The following AGGF1 variants were observed in gnomAD, a reference collection of about 807,000 sequenced individuals.
AGGF1 encodes angiogenic factor with G-patch and FHA domains 1, also known as angiogenic factor with G patch and FHA domains 1.
A neutral mutation model predicts 86.5 loss-of-function variants in AGGF1; 56 were observed. That is an observed-to-expected ratio of 0.65 (90% confidence interval 0.52 to 0.81). The LOEUF is 0.81. Among genes scored for constraint, AGGF1 ranks in the 30% least tolerant of loss-of-function variants. The pLI, the probability that AGGF1 is intolerant of heterozygous loss-of-function variation, is 0.00. For missense variants in AGGF1, 816 were observed against 850.9 expected, an observed-to-expected ratio of 0.96 and a Z score of 0.51; for synonymous variants, 313 against 297.1, an observed-to-expected ratio of 1.05 and a Z score of -0.55.
At position 77,063,149 on chromosome 5, in the gene AGGF1, A is replaced by G. The variant is rs760949417; in HGVS notation, c.2042A>G (p.Asn681Ser). The change falls in exon 14 of 14, where the codon AAC (asparagine) becomes AGC (serine). Residue 681 changes from asparagine to serine, a missense_variant. Physicochemically the swap from Asn to Ser is conservative, Grantham distance 46. Around this residue, in one of 3 missense-constraint regions of AGGF1, gnomAD observed 565 missense variants for 585.8 expected, o/e 0.96. Transcript: ENST00000312916. ...VHLLQNKNKKNWDKARERFTE... is the reference protein window; with the variant it reads ...VHLLQNKNKKSWDKARERFTE... ...CTTCTCCAAAACAAGAACAAAAAAAACTGGGACAAAGCACGAGAGCGGTTT... is the reference window on the plus strand; with the variant it reads ...CTTCTCCAAAACAAGAACAAAAAAAGCTGGGACAAAGCACGAGAGCGGTTT... 15 of 1,614,006 alleles carry G rather than the reference A, an allele frequency of 9.3e-6. No homozygotes were observed. Among genetic ancestry groups the G allele is most frequent in the Non-Finnish European group, 1.1e-5 (13 of 1,180,014 alleles).
In AGGF1 at chr5:77,054,026, CTGTCTTATCCTTTCACATTCA is replaced by C; in HGVS notation, c.1531_1551del (p.Val511_His517del). The stretch of plus-strand genomic sequence containing the variant: ...GGAGATGAAGTCAAAATTGGAGAAA[CTGTCTTATCCTTTCACATTCA>C]TCCTGGCAGTGATACCTGTGATGGC... On this transcript the variant is annotated inframe_deletion, in exon 10 of 14. Coordinates refer to ENST00000312916, the MANE Select transcript of AGGF1 (RefSeq NM_018046.5). 1.2e-6 allele frequency: 2 copies of C among 1,614,162 alleles called. No individual in the cohort carries two copies. The highest frequency in any genetic ancestry group is 1.7e-6 in the Non-Finnish European group (2 of 1,180,024).
In AGGF1 at chr5:77,030,508, G is replaced by A. The variant is rs765269580; in HGVS notation, c.-259G>A. On this transcript the variant is annotated 5_prime_UTR_variant, in exon 1 of 14. Coordinates refer to ENST00000312916, the MANE Select transcript of AGGF1 (RefSeq NM_018046.5). ...CCCTCTGTCTCTGTAGCTGGAGAAG[G>A]TAGTTTCCAGGAAAGTTTTCCGGTT... 9.0e-6 allele frequency: 6 copies of A among 668,168 alleles called. No individual in the cohort carries two copies. Among genetic ancestry groups the A allele is most frequent in the South Asian group, 7.5e-5 (5 of 66,454 alleles). The allele number at this position is 668,168 out of a possible 1,614,324, so 41.4% of individuals were successfully genotyped here. A position where few individuals can be genotyped will look rare whatever the true frequency, so the allele number is the denominator to read the frequency against.
chr5:77,051,596 G>T (rs1257227687), intron 8 of AGGF1, among the ~76,000 whole-genome samples: 2 of 152,134 alleles, frequency 1.3e-5, no homozygotes, highest in African/African-American at 4.8e-5. Flanking sequence ...ACAGACTGCT[G>T]GTGGGAATAT....
At chr5:77,045,464 T>C (rs1283975865) in intron 5 of AGGF1, among the ~76,000 whole-genome samples, 2 of 106,680 alleles carry the variant, frequency 1.9e-5, no homozygotes, top group African/African-American at 5.6e-5. Context: ...TTAAAAAATG[T>C]TCATTTATTA....
At chr5:77,057,212 C>T (rs531180674) in intron 11 of AGGF1, among the ~76,000 whole-genome samples, 1 of 152,308 alleles carries the variant, frequency 6.6e-6, no homozygotes, top group South Asian at 2.1e-4. Flanking sequence ...GTTAAACATA[C>T]ACCTATTTTA....
At chr5:77,061,563 T>G in intron 12 of AGGF1, 140 bp from the exon 13 acceptor site, 1 of 715,750 alleles carries the variant, frequency 1.4e-6, no homozygotes, top group Non-Finnish European at 2.4e-6. Context: ...CAGTGGAATT[T>G]GTGTGTCTTC....
At chr5:77,053,939 T>A in intron 9 of AGGF1, 26 bp from the exon 10 acceptor site, 1 of 1,612,118 alleles carries the variant, frequency 6.2e-7, no homozygotes, top group East Asian at 2.2e-5. Flanking sequence ...TTTTGATTTC[T>A]GTTTTGTAAA....
chr5:77,036,705 T>C lies in AGGF1; in HGVS notation c.666T>C (p.Gly222=). ...GACTGTATTTTGACCACAGCACTGGTTTCTATTATGATTCTGTAAGTATCT... is the reference window on the plus strand; with the variant it reads ...GACTGTATTTTGACCACAGCACTGGCTTCTATTATGATTCTGTAAGTATCT... ...NTGLYFDHST[G]FYYDSENQLY... Residue 222 remains glycine (G), a synonymous_variant, in exon 4 of 14, where the codon GGT becomes GGC. Transcript: ENST00000312916. The C allele has an allele frequency of 6.2e-7, 1 of 1,612,378 alleles. No individual in the cohort carries two copies. The highest frequency in any genetic ancestry group is 1.1e-5 in the South Asian group (1 of 91,006).
At chr5:77,041,004 A>C (rs554475791) in intron 5 of AGGF1, among the ~76,000 whole-genome samples, 8 of 152,364 alleles carry the variant, frequency 5.3e-5, no homozygotes, top group African/African-American at 1.9e-4. Flanking sequence ...CTGGGATTAT[A>C]GGCGTGAGCC....
Position 77,054,244 on chromosome 5 carries a change from TGA to T in AGGF1, c.1633+119_1633+120del. ...ATGTCTAATTGATACGATACTGCAT[TGA>T]GAGATATTTTATACAAAGCTATCAG... On this transcript the variant is annotated intron_variant, in intron 10 of 13. Coordinates refer to ENST00000312916, the MANE Select transcript of AGGF1 (RefSeq NM_018046.5). 4.8e-6 allele frequency: 6 copies of T among 1,237,848 alleles called. No individual in the cohort carries two copies. The South Asian group carries it at 5.0e-5, about 10-fold the overall frequency. The allele number at this position is 1,237,848 out of a possible 1,614,324, so 76.7% of individuals were successfully genotyped here. A position where few individuals can be genotyped will look rare whatever the true frequency, so the allele number is the denominator to read the frequency against.
Position 77,036,537 on chromosome 5 carries a change from A to G in AGGF1, c.517-19A>G, listed in dbSNP as rs748329213. 1.7e-5 allele frequency: 28 copies of G among 1,613,846 alleles called. No individual in the cohort carries two copies. The African/African-American group carries it at 3.5e-4, about 20-fold the overall frequency. ...TACAGAAGCTTTTGTCTTATTTGGC[A>G]TGACTATATCTTTTATAGGAGCCAG... On this transcript the variant is annotated intron_variant, in intron 3 of 13. Coordinates refer to ENST00000312916, the MANE Select transcript of AGGF1 (RefSeq NM_018046.5).
intron 2 of AGGF1, 21 bp downstream of exon 2, chr5:77,034,541 A>G: frequency 7.0e-7 from 1 of 1,433,644 alleles, no homozygotes. Flanking sequence ...TATAGTGAGG[A>G]TATGCTAACA....
intron 6 of AGGF1, 132 bp downstream of exon 6, chr5:77,046,809 A>G (rs566689349): frequency 3.2e-6 from 3 of 935,698 alleles, no homozygotes; most frequent in Admixed American, 2.1e-5. Context: ...GTTATTGAAA[A>G]TGTTGTGGGT....
At chr5:77,043,870 G>T (rs1407697446) in intron 5 of AGGF1, among the ~76,000 whole-genome samples, 1 of 140,242 alleles carries the variant, frequency 7.1e-6, no homozygotes, top group African/African-American at 2.6e-5. Context: ...AGACGGGGCG[G>T]CCGGGCAGAG....
chr5:77,044,064 C>A (rs1388144218), intron 5 of AGGF1, among the ~76,000 whole-genome samples: 1 of 131,272 alleles, frequency 7.6e-6, no homozygotes, highest in African/African-American at 2.9e-5. Context: ...GATGGGATGG[C>A]GGCCGGGCGG....
rs532715958 is a variant in AGGF1, at chr5:77,054,229, G to A, written c.1633+99G>A. The stretch of plus-strand genomic sequence containing the variant: ...TCAGCTACTGGCTACATGTCTAATT[G>A]ATACGATACTGCATTGAGAGATATT... On this transcript the variant is annotated intron_variant, in intron 10 of 13. Coordinates refer to ENST00000312916, the MANE Select transcript of AGGF1 (RefSeq NM_018046.5). The A allele has an allele frequency of 3.3e-5, 45 of 1,362,848 alleles. No individual in the cohort carries two copies. The African/African-American group carries it at 6.1e-4, about 19-fold the overall frequency. 84.4% of individuals were successfully genotyped at this position (1,362,848 alleles called of 1,614,324 possible).
chr5:77,057,826 G>T (rs1479733927), intron 11 of AGGF1, among the ~76,000 whole-genome samples: 1 of 152,220 alleles, frequency 6.6e-6, no homozygotes, highest in Non-Finnish European at 1.5e-5. Flanking sequence ...CCTGTTTCCA[G>T]GTGGGGACTG....
intron 11 of AGGF1, among the ~76,000 whole-genome samples, chr5:77,056,034 C>T (rs866454048): frequency 2.0e-5 from 3 of 152,072 alleles, no homozygotes; most frequent in Non-Finnish European, 4.4e-5. Flanking sequence ...GATTGAACAA[C>T]ATAGTTGGAG....
chr5:77,054,209 T>C (rs1375017117), intron 10 of AGGF1, 79 bp downstream of exon 10: 3 of 1,539,208 alleles, frequency 1.9e-6, no homozygotes, highest in Admixed American at 1.7e-5. Context: ...ATCAGTCAGC[T>C]ACTGGCTACA....
Sources: gnomAD v4.1 joint callset for allele counts (sites outside exome capture counted in the v4.1 genomes callset) on GRCh38, gnomAD v4.1.1 for gene constraint, gnomAD v4.1.1 regional missense constraint, MANE v1.5 for transcripts, NCBI Gene and HGNC (gene_info 2026-07-23, HGNC 2026-07-21) for gene names.